Variants in NRP2 observed in about 807,000 individuals in gnomAD.
NRP2 encodes neuropilin 2, also known as neuropilin-2.
NRP2 carries 52 observed loss-of-function variants against 110.4 expected under a neutral mutation model. The ratio of observed to expected loss-of-function variants is 0.47; its 90% CI spans 0.38 to 0.59. NRP2 has a LOEUF of 0.59. Among genes scored for constraint, NRP2 ranks in the 20% least tolerant of loss-of-function variants. The pLI, the probability that NRP2 is intolerant of heterozygous loss-of-function variation, is 0.00. For missense variants in NRP2, 1,049 were observed against 1,203.0 expected (o/e 0.87, Z 1.89); for synonymous variants, 508 against 468.9 (o/e 1.08, Z -1.08).
At chr2:205,732,051 G>A (rs1460984691) in intron 7 of NRP2, among the ~76,000 whole-genome samples, 2 of 152,164 alleles carry the variant, frequency 1.3e-5, no homozygotes, top group Non-Finnish European at 1.5e-5. Context: ...TCCACAATCC[G>A]CCCTAGGCCT....
intron 2 of NRP2, among the ~76,000 whole-genome samples, chr2:205,698,172 T>A (rs1043560761): frequency 4.0e-5 from 6 of 151,326 alleles, no homozygotes; most frequent in Admixed American, 3.9e-4. Flanking sequence ...AGGATCAGCC[T>A]GTTACCTTAT....
At chr2:205,722,277 G>C in intron 3 of NRP2, 1 of 601,384 alleles carries the variant, frequency 1.7e-6, no homozygotes, top group East Asian at 3.0e-5. Context: ...TAATTATGTA[G>C]AGCAAGCCAG....
At chr2:205,771,320 A>G (rs1409681180) in intron 15 of NRP2, among the ~76,000 whole-genome samples, 1 of 152,196 alleles carries the variant, frequency 6.6e-6, no homozygotes, top group Non-Finnish European at 1.5e-5. Flanking sequence ...GGGCGTGACC[A>G]CATTCTTCTA....
Position 205,683,077 on chromosome 2 carries a change from T to C in NRP2, c.-214T>C. On this transcript the variant is annotated 5_prime_UTR_variant, in exon 1 of 17. Coordinates refer to ENST00000357785, the MANE Select transcript of NRP2 (RefSeq NM_003872.3). ...TGTTCTCTTCCCGGCTTGTTCCCTC[T>C]TTGCTGATTTCAGGAGCTACTCTCC... The C allele has an allele frequency of 1.7e-6, 1 of 581,078 alleles. No individual in the cohort carries two copies. The highest frequency in any genetic ancestry group is 3.1e-6 in the Non-Finnish European group (1 of 326,880). 36.0% of individuals were successfully genotyped at this position (581,078 alleles called of 1,614,324 possible).
At chr2:205,752,798 A>T in intron 11 of NRP2, 37 bp from the exon 12 acceptor site, 1 of 1,613,058 alleles carries the variant, frequency 6.2e-7, no homozygotes, top group Non-Finnish European at 8.5e-7. Context: ...AACCCATTTC[A>T]TTTGCCTTCC....
chr2:205,709,133 T>G (rs374532094), intron 2 of NRP2, among the ~76,000 whole-genome samples: 1 of 152,226 alleles, frequency 6.6e-6, no homozygotes, highest in Non-Finnish European at 1.5e-5. Context: ...GAACATAGCC[T>G]GGGCTCAGAA....
At chr2:205,772,600 T>G (rs1235138792) in intron 15 of NRP2, among the ~76,000 whole-genome samples, 1 of 152,212 alleles carries the variant, frequency 6.6e-6, no homozygotes, top group Non-Finnish European at 1.5e-5. Flanking sequence ...GAAAGTGTTT[T>G]CCAGGTGAAA....
At chr2:205,754,175 G>A (rs2057696615) in intron 12 of NRP2, among the ~76,000 whole-genome samples, 1 of 152,174 alleles carries the variant, frequency 6.6e-6, no homozygotes, top group South Asian at 2.1e-4. Flanking sequence ...GGAGAGGGGT[G>A]AATTCCGGAA....
Position 205,796,781 on chromosome 2 carries a change from T to C in NRP2, c.*1723T>C, listed in dbSNP as rs764242772. On this transcript the variant is annotated 3_prime_UTR_variant, in exon 17 of 17. Coordinates refer to ENST00000357785, the MANE Select transcript of NRP2 (RefSeq NM_003872.3). ...TGATTTCATATTAACGCCTAAGGAT[T>C]GCCTGTGTGCTGGAAATATATTTGA... 2 of 152,676 alleles carry C rather than the reference T, an allele frequency of 1.3e-5. No homozygotes were observed. Among genetic ancestry groups the C allele is most frequent in the Non-Finnish European group, 2.9e-5 (2 of 68,054 alleles). 9.5% of individuals were successfully genotyped at this position (152,676 alleles called of 1,614,324 possible).
At chr2:205,685,390 G>A (rs2056124762) in intron 1 of NRP2, among the ~76,000 whole-genome samples, 1 of 133,164 alleles carries the variant, frequency 7.5e-6, no homozygotes, top group African/African-American at 2.7e-5. Context: ...AGCCGGCAGC[G>A]GGTGGCCAGG....
intron 2 of NRP2, among the ~76,000 whole-genome samples, chr2:205,704,659 G>A (rs1006407243): frequency 5.3e-5 from 8 of 152,200 alleles, no homozygotes; most frequent in Admixed American, 2.6e-4. Context: ...AGGTTAAAAC[G>A]CAGCTGGAAT....
rs1559309439 is a variant in NRP2, at chr2:205,697,737, T to A, written c.251+16T>A. The A allele has an allele frequency of 6.2e-7, 1 of 1,613,290 alleles. No individual in the cohort carries two copies. The highest frequency in any genetic ancestry group is 1.7e-5 in the Admixed American group (1 of 60,006). ...ACGACTGCAAGTAAGCACCGTCCTGTCCCACTGTGTATCCCATCCATGAGA... is the reference window on the plus strand; with the variant it reads ...ACGACTGCAAGTAAGCACCGTCCTGACCCACTGTGTATCCCATCCATGAGA... On this transcript the variant is annotated intron_variant, in intron 2 of 16. Transcript: ENST00000357785.
At chr2:205,767,727 G>A (rs1040361006) in intron 15 of NRP2, 1 of 209,196 alleles carries the variant, frequency 4.8e-6, no homozygotes, top group South Asian at 5.8e-5. Flanking sequence ...AAACATTTAG[G>A]AGCCACTCTA....
intron 2 of NRP2, among the ~76,000 whole-genome samples, chr2:205,714,763 G>A (rs1308840740): frequency 6.6e-6 from 1 of 152,124 alleles, no homozygotes; most frequent in African/African-American, 2.4e-5. Context: ...CAGCCCTGTG[G>A]GGTCTAAGAA....
In NRP2 at chr2:205,725,794, G is replaced by A. The variant is rs2057115603; in HGVS notation, c.821-119G>A. ...TTTTAAAATGTGAGCATATAATTAG[G>A]GTCTTTTAAATGAGGAAGTGCCTGC... On this transcript the variant is annotated intron_variant, in intron 5 of 16. Transcript: ENST00000357785. This position sits in a 1 kb window ranked among gnomAD's most constrained non-coding sequence, Gnocchi z 4.1. The A allele has an allele frequency of 6.3e-6, 6 of 952,426 alleles. No homozygotes were observed. The East Asian group carries it at 1.5e-4, about 23-fold the overall frequency. The allele number at this position is 952,426 out of a possible 1,614,324, so 59.0% of individuals were successfully genotyped here. A position where few individuals can be genotyped will look rare whatever the true frequency, so the allele number is the denominator to read the frequency against.
At chr2:205,779,729 T>C (rs1295916323) in intron 15 of NRP2, 1 of 152,210 alleles carries the variant, frequency 6.6e-6, no homozygotes, top group Admixed American at 6.5e-5. Context: ...TGAGGTTTTT[T>C]TTCCCTTTGC....
At chr2:205,717,868 C>T (rs965270736) in intron 3 of NRP2, among the ~76,000 whole-genome samples, 10 of 152,252 alleles carry the variant, frequency 6.6e-5, no homozygotes, top group African/African-American at 2.4e-4. Flanking sequence ...GGTGTGCAAA[C>T]CCTTTGCACG....
At chr2:205,730,021 AT>A (rs1029376430) in intron 7 of NRP2, among the ~76,000 whole-genome samples, 1 of 152,168 alleles carries the variant, frequency 6.6e-6, no homozygotes, top group African/African-American at 2.4e-5. Flanking sequence ...GGAAAAGCCC[AT>A]TCTCTTCCCC....
intron 16 of NRP2, 44 bp from the exon 17 acceptor site, chr2:205,794,710 C>T (rs746768118): frequency 6.3e-7 from 1 of 1,598,436 alleles, no homozygotes; most frequent in Non-Finnish European, 8.6e-7. Context: ...TTCACCCTGA[C>T]ATAGGCAGTG....
Sources: gnomAD v4.1 joint callset for allele counts (sites outside exome capture counted in the v4.1 genomes callset) on GRCh38, gnomAD v4.1.1 for gene constraint, Gnocchi (gnomAD v3.1) non-coding constraint, MANE v1.5 for transcripts, NCBI Gene and HGNC (gene_info 2026-07-23, HGNC 2026-07-21) for gene names.